The following ITPR1 variants were observed in gnomAD, a reference collection of about 807,000 sequenced individuals.
ITPR1 encodes inositol 1,4,5-trisphosphate receptor type 1, also known as inositol 1,4,5-trisphosphate-gated calcium channel ITPR1.
ITPR1 carries 96 observed loss-of-function variants against 318.4 expected under a neutral mutation model. The ratio of observed to expected loss-of-function variants is 0.30; its 90% CI spans 0.26 to 0.36. The LOEUF is 0.36. ITPR1 is among the 10% of genes least tolerant of loss of function. The probability of loss-of-function intolerance (pLI) is 1.00; values close to 1 mark genes in which losing one functional copy is unlikely to be tolerated. For synonymous variants in ITPR1, 1,312 were observed against 1,289.9 expected (o/e 1.02, Z -0.37); for missense variants, 2,440 against 3,460.2 (o/e 0.71, Z 7.40).
At chr3:4,798,366 A>C (rs1254440409) in intron 53 of ITPR1, among the ~76,000 whole-genome samples, 1 of 152,254 alleles carries the variant, frequency 6.6e-6, no homozygotes, top group Non-Finnish European at 1.5e-5. Flanking sequence ...GAGCATCACT[A>C]GTTATCAGGG....
chr3:4,777,356 C>T lies in ITPR1; in HGVS notation c.6273C>T (p.Asp2091=). ...DINPLGKKRM[D]LVLELKNNAS... is the part of the protein sequence containing the mutation. ...ATCCTTTGGGAAAGAAGAGGATGGA[C>T]CTTGTGTTAGAACTGAAGGCAAGTA... is the stretch of plus-strand genomic sequence containing the variant. The change falls in exon 48 of 62, where the codon GAC becomes GAT. Residue 2091 remains aspartate, a synonymous_variant. Transcript: ENST00000649015. 1 of 1,594,874 alleles carries T rather than the reference C, an allele frequency of 6.3e-7. No homozygotes were observed. Among genetic ancestry groups the T allele is most frequent in the Non-Finnish European group, 8.6e-7 (1 of 1,167,804 alleles).
intron 60 of ITPR1, among the ~76,000 whole-genome samples, chr3:4,835,692 T>C (rs1051996901): frequency 1.3e-5 from 2 of 152,214 alleles, no homozygotes; most frequent in African/African-American, 4.8e-5. Flanking sequence ...TTCTTCCCCC[T>C]GTCTCATGCT....
intron 4 of ITPR1, among the ~76,000 whole-genome samples, chr3:4,589,058 G>A (rs578008534): frequency 9.9e-5 from 15 of 152,212 alleles, no homozygotes; most frequent in Middle Eastern, 3.4e-3. Flanking sequence ...GCATGGTGGC[G>A]TGCACCTGTG....
Position 4,683,804 on chromosome 3 carries a change from T to C in ITPR1, c.3498+6T>C, listed in dbSNP as rs753276679. On this transcript the variant is annotated splice_donor_region_variant and intron_variant, in intron 28 of 61. Coordinates refer to ENST00000649015, the MANE Select transcript of ITPR1 (RefSeq NM_001378452.1). The stretch of plus-strand genomic sequence containing the variant: ...ATGAACATAAGAAAACGGAGGTGAG[T>C]GAAACACAAGTTATGCTGCCAAAGT... The C allele has an allele frequency of 2.0e-5, 32 of 1,611,616 alleles. No individual in the cohort carries two copies. The highest frequency in any genetic ancestry group is 2.5e-5 in the Non-Finnish European group (30 of 1,178,576).
At chr3:4,583,243 G>A (rs180887674) in intron 4 of ITPR1, among the ~76,000 whole-genome samples, 4 of 152,228 alleles carry the variant, frequency 2.6e-5, no homozygotes, top group African/African-American at 4.8e-5. Flanking sequence ...GAAATTCATT[G>A]TGTCACTTTA....
At chr3:4,824,912 A>G (rs2049975381) in intron 60 of ITPR1, among the ~76,000 whole-genome samples, 1 of 152,192 alleles carries the variant, frequency 6.6e-6, no homozygotes, top group Admixed American at 6.5e-5. Flanking sequence ...GACCTGCTGA[A>G]ATATGAGAAA....
chr3:4,594,149 C>T (rs900757673), intron 4 of ITPR1, among the ~76,000 whole-genome samples: 4 of 152,130 alleles, frequency 2.6e-5, no homozygotes, highest in African/African-American at 4.8e-5. Flanking sequence ...TTGAAGGAGT[C>T]TCCATCCTTT....
At chr3:4,603,699 A>T (rs1004774736) in intron 4 of ITPR1, among the ~76,000 whole-genome samples, 6 of 152,138 alleles carry the variant, frequency 3.9e-5, no homozygotes, top group Non-Finnish European at 8.8e-5. Flanking sequence ...AAGTGCTGGG[A>T]TTACAGGTGT....
chr3:4,827,013 G>A (rs1394818324), intron 60 of ITPR1, among the ~76,000 whole-genome samples: 1 of 152,212 alleles, frequency 6.6e-6, no homozygotes, highest in African/African-American at 2.4e-5. Context: ...GCTTCACTGT[G>A]CATGAAACCA....
chr3:4,645,859 C>T, intron 10 of ITPR1, 131 bp downstream of exon 10: 2 of 764,566 alleles, frequency 2.6e-6, no homozygotes, highest in Non-Finnish European at 4.3e-6. Flanking sequence ...CACATACACA[C>T]ACCTACACAC....
chr3:4,630,428 C>A (rs1212142844), intron 5 of ITPR1, among the ~76,000 whole-genome samples: 1 of 151,962 alleles, frequency 6.6e-6, no homozygotes, highest in Non-Finnish European at 1.5e-5. Flanking sequence ...AAATCACAGT[C>A]GTAGGATATA....
intron 2 of ITPR1, among the ~76,000 whole-genome samples, chr3:4,498,929 C>G (rs1182878223): frequency 6.6e-6 from 1 of 152,196 alleles, no homozygotes; most frequent in Admixed American, 6.5e-5. Flanking sequence ...CAGTGATTCT[C>G]CTTAATAAGT....
intron 4 of ITPR1, 40 bp downstream of exon 4, chr3:4,521,134 C>G (rs1432014325): frequency 7.5e-7 from 1 of 1,336,830 alleles, no homozygotes. Flanking sequence ...CCTTGACTCA[C>G]TTGAAAATTC....
chr3:4,646,424 G>A (rs957591264), intron 10 of ITPR1, among the ~76,000 whole-genome samples: 2 of 152,228 alleles, frequency 1.3e-5, no homozygotes, highest in Non-Finnish European at 2.9e-5. Flanking sequence ...GAATGGTGCA[G>A]AATGTGGAAA....
At chr3:4,660,162 C>A (rs1444625592) in intron 13 of ITPR1, among the ~76,000 whole-genome samples, 4 of 152,240 alleles carry the variant, frequency 2.6e-5, no homozygotes, top group African/African-American at 9.6e-5. Context: ...GGTTTTAGAT[C>A]TTTGGAATAT....
chr3:4,795,601 G>A (rs1026352172), intron 53 of ITPR1, among the ~76,000 whole-genome samples: 5 of 152,160 alleles, frequency 3.3e-5, no homozygotes, highest in East Asian at 1.9e-4. Context: ...CCGCACTTCT[G>A]GAATTGATTT....
At chr3:4,732,342 A>G (rs992870698) in intron 42 of ITPR1, among the ~76,000 whole-genome samples, 1 of 152,214 alleles carries the variant, frequency 6.6e-6, no homozygotes, top group Non-Finnish European at 1.5e-5. Flanking sequence ...AAAGGTTTTG[A>G]AACCCCTCAT....
intron 55 of ITPR1, among the ~76,000 whole-genome samples, chr3:4,810,619 T>A (rs1488083387): frequency 6.6e-6 from 1 of 152,262 alleles, no homozygotes; most frequent in Non-Finnish European, 1.5e-5. Flanking sequence ...TTACTGTACT[T>A]ACTGAGCATA....
At chr3:4,799,981 C>T (rs146392861) in intron 53 of ITPR1, 177 of 157,272 alleles carry the variant, frequency 1.1e-3, no homozygotes, top group African/African-American at 3.7e-3. Flanking sequence ...ACGAGCTTTT[C>T]GTGAGTACCT....
Sources: gnomAD v4.1 joint callset for allele counts (sites outside exome capture counted in the v4.1 genomes callset) on GRCh38, gnomAD v4.1.1 for gene constraint, MANE v1.5 for transcripts, NCBI Gene and HGNC (gene_info 2026-07-23, HGNC 2026-07-21) for gene names.